Variants in RBFOX1 observed in about 807,000 individuals in gnomAD.
RBFOX1 encodes RNA binding fox-1 homolog 1, also known as RNA binding protein fox-1 homolog 1.
Under a neutral mutation model 57.7 loss-of-function variants are expected in RBFOX1, and 8 were observed. That is an observed-to-expected ratio of 0.14 (90% confidence interval 0.08 to 0.25). The LOEUF (loss-of-function observed/expected upper bound fraction) is 0.25. RBFOX1 is among the 10% of genes least tolerant of loss of function. RBFOX1 has a pLI of 1.00. For synonymous variants in RBFOX1, 326 were observed against 222.4 expected (o/e 1.47, Z -4.15); for missense variants, 611 against 548.5 (o/e 1.11, Z -1.14).
At position 6,747,272 on chromosome 16, in the gene RBFOX1, G is replaced by A. The variant is rs187291503; in HGVS notation, c.-16+92622G>A. Among the ~76,000 whole-genome samples, 507 of 152,212 alleles carry A rather than the reference G, an allele frequency of 3.3e-3. 5 individuals carry two copies. Among genetic ancestry groups the A allele is most frequent in the African/African-American group, 0.011 (441 of 41,542 alleles). On this transcript the variant is annotated intron_variant, in intron 3 of 15. Transcript: ENST00000550418. Reference sequence around the variant, plus strand: ...AAAAATATACAAATTAGCCTGGCATGGTGGTGTGTTTGAAATCCCAGCTAC... The same window carrying A: ...AAAAATATACAAATTAGCCTGGCATAGTGGTGTGTTTGAAATCCCAGCTAC...
chr16:7,164,378 G>C (rs921217197), intron 4 of RBFOX1, among the ~76,000 whole-genome samples: 12 of 152,094 alleles, frequency 7.9e-5, no homozygotes, highest in African/African-American at 2.9e-4. Flanking sequence ...ATGGGCATTT[G>C]GGCTGGTTCC....
intron 4 of RBFOX1, among the ~76,000 whole-genome samples, chr16:7,274,004 C>G (rs377115202): frequency 1.8e-4 from 28 of 152,204 alleles, no homozygotes; most frequent in African/African-American, 6.0e-4. Context: ...GAAGGACCCT[C>G]CTTTCCACTA....
chr16:6,834,197 C>G (rs2092921624), intron 3 of RBFOX1, among the ~76,000 whole-genome samples: 1 of 152,042 alleles, frequency 6.6e-6, no homozygotes, highest in African/African-American at 2.4e-5. Context: ...CCTCAGCCTC[C>G]CAGGTAGCTG....
rs149583471 is a variant in RBFOX1, at chr16:6,482,386, T to A, written c.-64+165329T>A. On this transcript the variant is annotated intron_variant, in intron 2 of 15. Transcript: ENST00000550418. ...AAGAGTCATTTCCCCAGCCAATTAA[T>A]TTTTTGGTCCCTACCAAAATCAGCA... Among the ~76,000 whole-genome samples, 577 of 152,340 alleles carry A rather than the reference T, an allele frequency of 3.8e-3. 2 individuals carry two copies. Among genetic ancestry groups the A allele is most frequent in the East Asian group, 0.024 (124 of 5,194 alleles).
At chr16:6,675,060 C>T (rs554451513) in intron 3 of RBFOX1, among the ~76,000 whole-genome samples, 2 of 152,044 alleles carry the variant, frequency 1.3e-5, no homozygotes, top group African/African-American at 4.8e-5. Context: ...TATGTGCCAC[C>T]ACACCCACTA....
At chr16:5,463,800 A>G (rs550251417) in intron 1 of RBFOX1, among the ~76,000 whole-genome samples, 1 of 148,028 alleles carries the variant, frequency 6.8e-6, no homozygotes, top group African/African-American at 2.5e-5. Context: ...ACTGTCTCGA[A>G]AAAAAAAAAA....
chr16:7,375,449 C>A (rs1176506334), intron 4 of RBFOX1, among the ~76,000 whole-genome samples: 1 of 151,524 alleles, frequency 6.6e-6, no homozygotes, highest in Non-Finnish European at 1.5e-5. Flanking sequence ...GAATCTCAAT[C>A]CAGGAAAGAG....
At chr16:5,660,363 G>C (rs1227069544) in intron 3 of RBFOX1, among the ~76,000 whole-genome samples, 1 of 152,202 alleles carries the variant, frequency 6.6e-6, no homozygotes, top group Non-Finnish European at 1.5e-5. Context: ...TTAGCTGGTA[G>C]AGTCCGGTGA....
intron 4 of RBFOX1, among the ~76,000 whole-genome samples, chr16:5,949,378 T>G (rs1316545185): frequency 6.6e-6 from 1 of 151,528 alleles, no homozygotes; most frequent in Non-Finnish European, 1.5e-5. Flanking sequence ...TATAAAAAAT[T>G]AGCCTGGCAT....
intron 4 of RBFOX1, among the ~76,000 whole-genome samples, chr16:7,214,724 C>CT: frequency 1.3e-5 from 2 of 152,192 alleles, no homozygotes; most frequent in East Asian, 3.9e-4. Flanking sequence ...CGCGATCTTT[C>CT]TTTTTGCTCT....
At chr16:6,209,826 C>T (rs1248983726) in intron 1 of RBFOX1, among the ~76,000 whole-genome samples, 1 of 152,112 alleles carries the variant, frequency 6.6e-6, no homozygotes, top group Non-Finnish European at 1.5e-5. Context: ...TACAGTGAGG[C>T]AGAGGGAATC....
intron 3 of RBFOX1, among the ~76,000 whole-genome samples, chr16:5,643,989 T>C (rs2048966519): frequency 6.6e-6 from 1 of 152,228 alleles, no homozygotes; most frequent in East Asian, 1.9e-4. Context: ...CCCGCTGTTT[T>C]ACGATGTCAA....
At chr16:5,241,178 G>A (rs1272632033) in intron 1 of RBFOX1, among the ~76,000 whole-genome samples, 2 of 152,164 alleles carry the variant, frequency 1.3e-5, no homozygotes, top group Non-Finnish European at 2.9e-5. Flanking sequence ...CCAGTCTTGG[G>A]GTTGCTCCCG....
intron 5 of RBFOX1, among the ~76,000 whole-genome samples, chr16:7,578,539 T>G (rs945114811): frequency 2.0e-5 from 3 of 152,230 alleles, no homozygotes; most frequent in Non-Finnish European, 4.4e-5. Flanking sequence ...TCTGAGTGTT[T>G]GTTTTGTATT....
chr16:5,429,601 C>T (rs1597029468), intron 1 of RBFOX1, among the ~76,000 whole-genome samples: 1 of 152,090 alleles, frequency 6.6e-6, no homozygotes, highest in South Asian at 2.1e-4. Flanking sequence ...TAGTTGTGCT[C>T]GCAGCATGTG....
At chr16:5,459,920 G>T (rs558759721) in intron 1 of RBFOX1, among the ~76,000 whole-genome samples, 2 of 151,990 alleles carry the variant, frequency 1.3e-5, no homozygotes, top group Non-Finnish European at 2.9e-5. Context: ...CTGCCTCTCC[G>T]TGTCGCCACT....
intron 5 of RBFOX1, among the ~76,000 whole-genome samples, chr16:7,523,168 G>C (rs1212614639): frequency 6.6e-6 from 1 of 152,164 alleles, no homozygotes; most frequent in Non-Finnish European, 1.5e-5. Context: ...TGTGGTTGTA[G>C]CTCCTTCCTT....
At position 6,161,657 on chromosome 16, in the gene RBFOX1, C is replaced by T. The variant is rs533494189; in HGVS notation, c.-127+141665C>T. 3.3e-5 allele frequency among the ~76,000 whole-genome samples: 5 copies of T among 152,250 alleles called. No individual in the cohort carries two copies. The South Asian group carries it at 8.3e-4, about 25-fold the overall frequency. On this transcript the variant is annotated intron_variant, in intron 1 of 15. Transcript: ENST00000550418. ...CCAACATCATTTAGGGTGGTAGAGCCCCTTTGAAAGAGCTGGAGCTGATTG... is the reference window on the plus strand; with the variant it reads ...CCAACATCATTTAGGGTGGTAGAGCTCCTTTGAAAGAGCTGGAGCTGATTG...
At chr16:6,641,882 C>T (rs187075333) in intron 2 of RBFOX1, among the ~76,000 whole-genome samples, 72 of 152,032 alleles carry the variant, frequency 4.7e-4, no homozygotes, top group African/African-American at 1.4e-3. Context: ...TTTAGCTCAC[C>T]TGGGGAACAC....
Sources: allele counts gnomAD v4.1 joint callset (sites outside exome capture counted in the v4.1 genomes callset), GRCh38; gene constraint gnomAD v4.1.1; transcripts MANE v1.5; gene names NCBI Gene and HGNC (gene_info 2026-07-23, HGNC 2026-07-21).